The following SNX3 variants were observed in gnomAD, a reference collection of about 807,000 sequenced individuals.
SNX3 encodes sorting nexin 3.
A neutral mutation model predicts 17.7 loss-of-function variants in SNX3; 5 were observed. The ratio of observed to expected loss-of-function variants is 0.28; its 90% CI spans 0.15 to 0.59. The LOEUF is 0.59. SNX3 is among the 20% of genes least tolerant of loss of function. The pLI is 0.88. For synonymous variants in SNX3, 91 were observed against 76.5 expected, an observed-to-expected ratio of 1.19 and a Z score of -0.99; for missense variants, 132 against 206.8, an observed-to-expected ratio of 0.64 and a Z score of 2.22.
At chr6:108,247,066 C>G (rs1370540105) in intron 1 of SNX3, among the ~76,000 whole-genome samples, 1 of 152,142 alleles carries the variant, frequency 6.6e-6, no homozygotes, top group African/African-American at 2.4e-5. Context: ...GGCAGTTCCC[C>G]TATGCTCTTC....
At chr6:108,258,493 A>AT (rs1471223092) in intron 1 of SNX3, among the ~76,000 whole-genome samples, 1 of 152,082 alleles carries the variant, frequency 6.6e-6, no homozygotes, top group Non-Finnish European at 1.5e-5. Flanking sequence ...TAACATGTAA[A>AT]TGACTATACC....
At chr6:108,257,216 AAAT>A (rs1776056599) in intron 1 of SNX3, among the ~76,000 whole-genome samples, 1 of 152,224 alleles carries the variant, frequency 6.6e-6, no homozygotes, top group Admixed American at 6.5e-5. Flanking sequence ...AACATTTAGA[AAAT>A]AATAAATAAA....
At chr6:108,242,241 C>T (rs867147839) in intron 1 of SNX3, among the ~76,000 whole-genome samples, 11 of 152,016 alleles carry the variant, frequency 7.2e-5, no homozygotes, top group Admixed American at 5.2e-4. Context: ...GGGAGTCCCA[C>T]GATGAGAGAA....
intron 1 of SNX3, among the ~76,000 whole-genome samples, chr6:108,250,238 T>C (rs1775810703): frequency 6.6e-6 from 1 of 152,140 alleles, no homozygotes; most frequent in Non-Finnish European, 1.5e-5. Context: ...ATTCTCCAAG[T>C]GCCTTTTGAT....
chr6:108,215,074 G>C (rs745600299), intron 2 of SNX3, among the ~76,000 whole-genome samples: 12 of 152,244 alleles, frequency 7.9e-5, no homozygotes, highest in Non-Finnish European at 1.6e-4. Flanking sequence ...TTTCAGCCGG[G>C]CGTGGTGGCT....
At chr6:108,250,783 TAAAATAACTTTAGGAAAGCCA>T in intron 1 of SNX3, among the ~76,000 whole-genome samples, 1 of 152,328 alleles carries the variant, frequency 6.6e-6, no homozygotes, top group South Asian at 2.1e-4. Context: ...TGGCAGGTGC[TAAAATAACTTTAGGAAAGCCA>T]AAAGAAATGC....
Position 108,236,469 on chromosome 6 carries a change from C to T in SNX3, c.163-13424G>A, listed in dbSNP as rs1236264310. On this transcript the variant is annotated intron_variant, in intron 1 of 3. Coordinates refer to ENST00000230085, the MANE Select transcript of SNX3 (RefSeq NM_003795.6). ...CGGGATCTCGGCTCACTGCAAGCTC[C>T]GCCTCCTGGGTTCACGCCATTCTCC... 5.4e-5 allele frequency among the ~76,000 whole-genome samples: 8 copies of T among 149,342 alleles called. No individual in the cohort carries two copies. The East Asian group carries it at 5.9e-4, about 11-fold the overall frequency.
chr6:108,258,836 G>A (rs1302339509), intron 1 of SNX3, among the ~76,000 whole-genome samples: 2 of 151,716 alleles, frequency 1.3e-5, no homozygotes, highest in African/African-American at 4.8e-5. Flanking sequence ...TGTCACATCA[G>A]CTATTTGCTA....
At chr6:108,258,756 G>A (rs1201927814) in intron 1 of SNX3, among the ~76,000 whole-genome samples, 1 of 151,900 alleles carries the variant, frequency 6.6e-6, no homozygotes, top group Non-Finnish European at 1.5e-5. Context: ...GGATCCACCT[G>A]CCTCAGCCTC....
intron 3 of SNX3, among the ~76,000 whole-genome samples, chr6:108,213,728 T>G (rs1026597167): frequency 1.3e-5 from 2 of 152,076 alleles, no homozygotes; most frequent in African/African-American, 2.4e-5. Context: ...GAATATTGAG[T>G]GCTACAGTAG....
At chr6:108,213,651 A>C (rs1269010222) in intron 3 of SNX3, among the ~76,000 whole-genome samples, 2 of 146,594 alleles carry the variant, frequency 1.4e-5, no homozygotes, top group African/African-American at 5.0e-5. Flanking sequence ...GACTGTCTCA[A>C]AAAAAAAAAA....
At chr6:108,257,111 G>C (rs2114774100) in intron 1 of SNX3, among the ~76,000 whole-genome samples, 1 of 152,322 alleles carries the variant, frequency 6.6e-6, no homozygotes, top group South Asian at 2.1e-4. Flanking sequence ...GTAACTGTAA[G>C]ATAGTTTAAA....
At chr6:108,236,415 G>C (rs55748174) in intron 1 of SNX3, among the ~76,000 whole-genome samples, 1 of 136,308 alleles carries the variant, frequency 7.3e-6, no homozygotes, top group Non-Finnish European at 1.5e-5. Context: ...ACGGAGTCTC[G>C]CTCTGTCGCC....
chr6:108,255,587 A>C (rs1477342279), intron 1 of SNX3, among the ~76,000 whole-genome samples: 1 of 152,184 alleles, frequency 6.6e-6, no homozygotes, highest in Non-Finnish European at 1.5e-5. Flanking sequence ...CCTGAGCTCA[A>C]GTAGTCCTCC....
intron 1 of SNX3, among the ~76,000 whole-genome samples, chr6:108,233,624 C>A (rs1185982047): frequency 6.6e-6 from 1 of 152,190 alleles, no homozygotes; most frequent in African/African-American, 2.4e-5. Context: ...TGGCACACGC[C>A]TGTAATCCCA....
At position 108,212,405 on chromosome 6, in the gene SNX3, C is replaced by A. The variant is rs150466788; in HGVS notation, c.384-151G>T. 3.0e-3 allele frequency: 1,686 copies of A among 567,254 alleles called. 10 individuals are homozygous for A. The highest frequency in any genetic ancestry group is 4.5e-3 in the Admixed American group (126 of 27,960). The allele number at this position is 567,254 out of a possible 1,614,324, so 35.1% of individuals were successfully genotyped here. On this transcript the variant is annotated intron_variant, in intron 3 of 3. Coordinates refer to ENST00000230085, the MANE Select transcript of SNX3 (RefSeq NM_003795.6). ...CACAGGCTGGAGTGCAGTGGCTGATCTTGGCTCATGGCAACCTCCGTCTCC... is the reference window on the plus strand; with the variant it reads ...CACAGGCTGGAGTGCAGTGGCTGATATTGGCTCATGGCAACCTCCGTCTCC...
At chr6:108,242,748 C>T (rs1453789717) in intron 1 of SNX3, among the ~76,000 whole-genome samples, 2 of 152,166 alleles carry the variant, frequency 1.3e-5, no homozygotes, top group Non-Finnish European at 2.9e-5. Flanking sequence ...TTTGACTTCA[C>T]CAAGTTTTGT....
intron 1 of SNX3, among the ~76,000 whole-genome samples, chr6:108,250,667 G>A (rs546802962): frequency 1.1e-4 from 17 of 152,232 alleles, no homozygotes; most frequent in Middle Eastern, 3.4e-3. Flanking sequence ...CACAAGGAGG[G>A]GCTTTGAGAC....
intron 1 of SNX3, among the ~76,000 whole-genome samples, chr6:108,255,628 T>A (rs1776006405): frequency 6.6e-6 from 1 of 152,178 alleles, no homozygotes; most frequent in Admixed American, 6.6e-5. Context: ...TGGGATTACA[T>A]ACAGGAGCCA....
Sources: allele counts gnomAD v4.1 joint callset (sites outside exome capture counted in the v4.1 genomes callset), GRCh38; gene constraint gnomAD v4.1.1; transcripts MANE v1.5; gene names NCBI Gene and HGNC (gene_info 2026-07-23, HGNC 2026-07-21).